Variants in FAF1 observed in about 807,000 individuals in gnomAD.
FAF1 encodes the protein Fas associated factor 1, also known as FAS-associated factor 1.
A neutral mutation model predicts 92.5 loss-of-function variants in FAF1; 25 were observed. The ratio of observed to expected loss-of-function variants is 0.27; its 90% CI spans 0.20 to 0.38. FAF1 has a LOEUF of 0.38. FAF1 is among the 10% of genes least tolerant of loss of function. The pLI is 1.00. For synonymous variants in FAF1, 234 were observed against 273.2 expected (o/e 0.86, Z 1.42); for missense variants, 636 against 793.3 (o/e 0.80, Z 2.38).
intron 7 of FAF1, among the ~76,000 whole-genome samples, chr1:50,672,311 G>A (rs1347938504): frequency 6.6e-6 from 1 of 152,176 alleles, no homozygotes; most frequent in Admixed American, 6.5e-5. Context: ...AAAGTGCTGG[G>A]ATTACAGGCG....
At chr1:50,638,445 CTTTTT>C (rs35054798) in intron 8 of FAF1, among the ~76,000 whole-genome samples, 3 of 131,626 alleles carry the variant, frequency 2.3e-5, no homozygotes, top group East Asian at 2.1e-4. Context: ...TTTTCTTTTT[CTTTTT>C]TTTTTTTTTT....
At chr1:50,637,677 A>ATGTGTGTGTGTGTG (rs1290887015) in intron 8 of FAF1, among the ~76,000 whole-genome samples, 10 of 95,328 alleles carry the variant, frequency 1.0e-4, no homozygotes, top group South Asian at 3.0e-4. Context: ...TCACACATAT[A>ATGTGTGTGTGTGTG]TATATGTGTG....
At chr1:50,819,497 C>T (rs1348722672) in intron 2 of FAF1, among the ~76,000 whole-genome samples, 1 of 149,236 alleles carries the variant, frequency 6.7e-6, no homozygotes, top group Non-Finnish European at 1.5e-5. Context: ...CATGGTGGTA[C>T]ACACCTGTAA....
chr1:50,717,915 G>T (rs924791436), intron 6 of FAF1, among the ~76,000 whole-genome samples: 2 of 152,022 alleles, frequency 1.3e-5, no homozygotes, highest in Non-Finnish European at 2.9e-5. Flanking sequence ...ATAAAAAAAT[G>T]CCTGAATAAT....
chr1:50,488,822 G>A (rs897915877), intron 17 of FAF1, among the ~76,000 whole-genome samples: 12 of 152,136 alleles, frequency 7.9e-5, no homozygotes, highest in Admixed American at 1.3e-4. Context: ...ATAAGCATAC[G>A]TAAAGCAGCT....
intron 6 of FAF1, among the ~76,000 whole-genome samples, chr1:50,738,246 C>G (rs1189284777): frequency 6.6e-6 from 1 of 151,928 alleles, no homozygotes; most frequent in African/African-American, 2.4e-5. Context: ...GAGTTCAAGA[C>G]CAGCCCGACC....
At chr1:50,667,718 C>T (rs1349838760) in intron 7 of FAF1, among the ~76,000 whole-genome samples, 3 of 152,146 alleles carry the variant, frequency 2.0e-5, no homozygotes, top group African/African-American at 7.2e-5. Flanking sequence ...TAGGTCAGAA[C>T]AATAATGCGG....
At chr1:50,590,352 G>A (rs1463138115) in intron 9 of FAF1, among the ~76,000 whole-genome samples, 1 of 152,146 alleles carries the variant, frequency 6.6e-6, no homozygotes, top group Non-Finnish European at 1.5e-5. Flanking sequence ...CATAGTACAA[G>A]TCTCCCGCTT....
At chr1:50,487,003 A>G (rs1389184588) in intron 17 of FAF1, among the ~76,000 whole-genome samples, 1 of 152,194 alleles carries the variant, frequency 6.6e-6, no homozygotes, top group Non-Finnish European at 1.5e-5. Flanking sequence ...ATTTTACTAT[A>G]TTGTACTTTA....
chr1:50,887,620 A>G (rs892148519), intron 1 of FAF1, among the ~76,000 whole-genome samples: 1 of 152,072 alleles, frequency 6.6e-6, no homozygotes, highest in Non-Finnish European at 1.5e-5. Flanking sequence ...CCCAGCACCA[A>G]TTATTAAACA....
chr1:50,734,918 G>A (rs1039206294), intron 6 of FAF1, among the ~76,000 whole-genome samples: 1 of 152,028 alleles, frequency 6.6e-6, no homozygotes. Context: ...TAGATATCAG[G>A]GAGAAGGTAC....
intron 7 of FAF1, among the ~76,000 whole-genome samples, chr1:50,673,660 T>C (rs983098327): frequency 3.3e-5 from 5 of 152,158 alleles, no homozygotes; most frequent in Non-Finnish European, 7.4e-5. Flanking sequence ...TTATTTTAGA[T>C]GGGTTGAAAT....
intron 2 of FAF1, among the ~76,000 whole-genome samples, chr1:50,822,746 TTTTCTTTCTTTCTTTC>T (rs758301200): frequency 2.1e-5 from 3 of 144,288 alleles, no homozygotes; most frequent in Admixed American, 1.4e-4. Flanking sequence ...TTTTGGTGTT[TTTTCTTTCTTTCTTTC>T]TTTCTTTCTT....
intron 12 of FAF1, among the ~76,000 whole-genome samples, chr1:50,575,940 T>A (rs1650711656): frequency 6.6e-6 from 1 of 152,224 alleles, no homozygotes; most frequent in South Asian, 2.1e-4. Flanking sequence ...ATAGCATGAC[T>A]TTAAAATGGG....
At chr1:50,935,459 C>T (rs916744782) in intron 1 of FAF1, among the ~76,000 whole-genome samples, 2 of 151,172 alleles carry the variant, frequency 1.3e-5, no homozygotes, top group Non-Finnish European at 2.9e-5. Context: ...TCACCCCTGG[C>T]CTGATTTACT....
intron 9 of FAF1, among the ~76,000 whole-genome samples, chr1:50,586,490 AATC>A (rs1283720036): frequency 6.6e-6 from 1 of 152,212 alleles, no homozygotes; most frequent in African/African-American, 2.4e-5. Flanking sequence ...AGAGAATCAT[AATC>A]ATATTTTCCC....
At chr1:50,530,124 A>T (rs1238802318) in intron 15 of FAF1, among the ~76,000 whole-genome samples, 1 of 152,082 alleles carries the variant, frequency 6.6e-6, no homozygotes, top group Non-Finnish European at 1.5e-5. Context: ...ATGTTTAAAA[A>T]TATCGTATTT....
intron 13 of FAF1, among the ~76,000 whole-genome samples, chr1:50,561,852 A>C (rs190144337): frequency 1.8e-5 from 2 of 111,464 alleles, no homozygotes; most frequent in Admixed American, 1.6e-4. Context: ...GATGGACGGA[A>C]GGAAGGAAGG....
chr1:50,455,701 T>C (rs2148983601), intron 18 of FAF1, among the ~76,000 whole-genome samples: 1 of 152,340 alleles, frequency 6.6e-6, no homozygotes, highest in East Asian at 1.9e-4. Flanking sequence ...CAGAGACGTA[T>C]GTACCTTGCT....
Sources: gnomAD v4.1 joint callset for allele counts (sites outside exome capture counted in the v4.1 genomes callset) on GRCh38, gnomAD v4.1.1 for gene constraint, MANE v1.5 for transcripts, NCBI Gene and HGNC (gene_info 2026-07-23, HGNC 2026-07-21) for gene names.